The following DGKB variants were observed in gnomAD, a reference collection of about 807,000 sequenced individuals.
DGKB encodes diacylglycerol kinase beta, also known as 90 kDa diacylglycerol kinase.
DGKB carries 67 observed loss-of-function variants against 114.3 expected under a neutral mutation model. The ratio of observed to expected loss-of-function variants is 0.59; its 90% CI spans 0.48 to 0.72. The LOEUF (loss-of-function observed/expected upper bound fraction) is 0.72. Ranked by LOEUF, DGKB falls within the 30% of genes least tolerant of loss-of-function variation. The probability of loss-of-function intolerance (pLI) is 0.00; values close to 1 mark genes in which losing one functional copy is unlikely to be tolerated. For synonymous variants in DGKB, 398 were observed against 323.1 expected, an observed-to-expected ratio of 1.23 and a Z score of -2.49; for missense variants, 907 against 975.2, an observed-to-expected ratio of 0.93 and a Z score of 0.93.
intron 25 of DGKB, among the ~76,000 whole-genome samples, chr7:14,156,993 C>T (rs1436333810): frequency 1.3e-5 from 2 of 152,060 alleles, no homozygotes; most frequent in African/African-American, 4.8e-5. Flanking sequence ...TCAAACATAC[C>T]TCAGCAGGTA....
intron 21 of DGKB, among the ~76,000 whole-genome samples, chr7:14,417,961 G>C (rs1013695548): frequency 2.0e-4 from 30 of 151,022 alleles, no homozygotes; most frequent in African/African-American, 7.0e-4. Flanking sequence ...AAAAATGTCA[G>C]AGTTATAAAC....
intron 21 of DGKB, among the ~76,000 whole-genome samples, chr7:14,379,548 CTTTTT>C (rs1819056964): frequency 6.6e-6 from 1 of 151,712 alleles, no homozygotes; most frequent in South Asian, 2.1e-4. Context: ...TAAGCAATTG[CTTTTT>C]TTATTTTATT....
intron 2 of DGKB, among the ~76,000 whole-genome samples, chr7:14,782,254 G>T (rs768849178): frequency 2.0e-5 from 3 of 152,044 alleles, no homozygotes; most frequent in Non-Finnish European, 4.4e-5. Flanking sequence ...TTGAACTCCT[G>T]GCCTCAAGTG....
chr7:14,149,273 T>C (rs762112313), intron 25 of DGKB, 35 bp from the exon 26 acceptor site: 1 of 1,442,972 alleles, frequency 6.9e-7, no homozygotes, highest in Non-Finnish European at 9.7e-7. Flanking sequence ...AGAGAAAGAA[T>C]AGAGTAATCT....
intron 4 of DGKB, among the ~76,000 whole-genome samples, chr7:14,750,793 CTTTTTTTTTTTTT>C (rs1016534410): frequency 1.1e-5 from 1 of 89,564 alleles, no homozygotes; most frequent in East Asian, 3.7e-4. Flanking sequence ...ATTTCTATTT[CTTTTTTTTTTTTT>C]TTTTTTTTTT....
In DGKB at chr7:14,392,995, G is replaced by GTTTTTGTTTTTGTTTTTTTTTTT; in HGVS notation, c.1836-47605_1836-47604insAAAAAAAAAAACAAAAACAAAAA. Among the ~76,000 whole-genome samples the GTTTTTGTTTTTGTTTTTTTTTTT allele has an allele frequency of 1.7e-3, 100 of 60,552 alleles. 6 individuals are homozygous for GTTTTTGTTTTTGTTTTTTTTTTT. The highest frequency in any genetic ancestry group is 2.5e-3 in the Admixed American group (11 of 4,386). 39.7% of individuals were successfully genotyped at this position (60,552 alleles called of 152,430 possible). A position where few individuals can be genotyped will look rare whatever the true frequency, so the allele number is the denominator to read the frequency against. ...CAAAACAGACCTGTTTTTTGTTTTT[G>GTTTTTGTTTTTGTTTTTTTTTTT]TTTTTTTTTTTTTGAGACGGAGTCT... On this transcript the variant is annotated intron_variant, in intron 21 of 25. Coordinates refer to ENST00000402815, the MANE Select transcript of DGKB (RefSeq NM_001350709.2).
chr7:14,864,118 A>G (rs1562756682), intron 1 of DGKB, among the ~76,000 whole-genome samples: 6 of 148,174 alleles, frequency 4.0e-5, no homozygotes, highest in Admixed American at 2.0e-4. Flanking sequence ...AAAAAAAAAA[A>G]GGGAACATTG....
At chr7:14,581,558 T>C (rs75353645) in intron 18 of DGKB, among the ~76,000 whole-genome samples, 3,113 of 152,270 alleles carry the variant, frequency 0.02, 102 homozygotes, top group African/African-American at 0.071. Flanking sequence ...CACATAATGC[T>C]TTGGGTTCAG....
chr7:14,371,722 T>G (rs914628187), intron 21 of DGKB, among the ~76,000 whole-genome samples: 3 of 152,184 alleles, frequency 2.0e-5, no homozygotes, highest in Admixed American at 6.5e-5. Context: ...CCATCACCTT[T>G]GAGGACTGAG....
chr7:14,700,459 GCC>G (rs1824964675), intron 7 of DGKB, among the ~76,000 whole-genome samples: 1 of 152,108 alleles, frequency 6.6e-6, no homozygotes. Context: ...GTGATCGCCT[GCC>G]CGTCTTGGCA....
At chr7:14,795,430 G>A (rs1032461297) in intron 2 of DGKB, among the ~76,000 whole-genome samples, 6 of 152,148 alleles carry the variant, frequency 3.9e-5, no homozygotes, top group African/African-American at 1.4e-4. Context: ...GGGATATATT[G>A]TAATGTTAGG....
intron 17 of DGKB, among the ~76,000 whole-genome samples, chr7:14,596,959 T>C (rs1327615058): frequency 1.3e-5 from 2 of 152,202 alleles, no homozygotes; most frequent in East Asian, 3.8e-4. Context: ...AGATCCTTCC[T>C]ATAGTCTTGA....
rs1228671456 is a variant in DGKB at position 14,338,400 on chromosome 7, T to C, written c.2122+115A>G. On this transcript the variant is annotated intron_variant, in intron 23 of 25. Transcript: ENST00000402815. ...CATGGGTATCCCATAATATGAAAAA[T>C]ACAACTGTAAAAATATATAAATTAT... is the stretch of plus-strand genomic sequence containing the variant. 11 of 557,936 alleles carry C rather than the reference T, an allele frequency of 2.0e-5. No homozygotes were observed. In the East Asian group the frequency reaches 2.3e-4, roughly 11 times the overall value. The allele number at this position is 557,936 out of a possible 1,614,324, so 34.6% of individuals were successfully genotyped here.
At chr7:14,207,541 G>A (rs765060424) in intron 23 of DGKB, among the ~76,000 whole-genome samples, 1 of 151,984 alleles carries the variant, frequency 6.6e-6, no homozygotes. Context: ...GGAATGCCAG[G>A]CAATGTACTT....
At chr7:14,179,646 T>C (rs1367284415) in intron 23 of DGKB, among the ~76,000 whole-genome samples, 1 of 152,160 alleles carries the variant, frequency 6.6e-6, no homozygotes, top group Non-Finnish European at 1.5e-5. Context: ...TGGCAGCAAA[T>C]AGTGCTTTGC....
intron 22 of DGKB, among the ~76,000 whole-genome samples, chr7:14,340,072 T>G (rs1289825342): frequency 1.3e-5 from 2 of 151,554 alleles, no homozygotes; most frequent in African/African-American, 4.8e-5. Flanking sequence ...TGAGACTACT[T>G]GGCAGGGGTA....
intron 23 of DGKB, among the ~76,000 whole-genome samples, chr7:14,199,683 C>T (rs750113200): frequency 4.6e-5 from 7 of 151,994 alleles, no homozygotes; most frequent in Non-Finnish European, 7.4e-5. Context: ...AACAAAGCTT[C>T]ACTATAACTG....
At position 14,423,035 on chromosome 7, in the gene DGKB, T is replaced by C. The variant is rs944277285; in HGVS notation, c.1835+55126A>G. Among the ~76,000 whole-genome samples the C allele has an allele frequency of 9.2e-5, 14 of 152,108 alleles. 3 individuals carry two copies. The East Asian group carries it at 9.7e-4, about 10-fold the overall frequency. ...CAGTGCTGGGACTCAAATTACATTC[T>C]GAAGATGAAGCCTGTGTTTAATAAT... On this transcript the variant is annotated intron_variant, in intron 21 of 25. Coordinates refer to ENST00000402815, the MANE Select transcript of DGKB (RefSeq NM_001350709.2).
intron 20 of DGKB, among the ~76,000 whole-genome samples, chr7:14,495,275 T>C (rs1187329944): frequency 6.6e-6 from 1 of 151,828 alleles, no homozygotes; most frequent in Non-Finnish European, 1.5e-5. Context: ...GCATTATTTG[T>C]CACTAAATAC....
Sources: gnomAD v4.1 joint callset for allele counts (sites outside exome capture counted in the v4.1 genomes callset) on GRCh38, gnomAD v4.1.1 for gene constraint, MANE v1.5 for transcripts, NCBI Gene and HGNC (gene_info 2026-07-23, HGNC 2026-07-21) for gene names.